KCND2: variants seen among roughly 807,000 people sequenced by gnomAD.
KCND2 encodes the protein potassium voltage-gated channel subfamily D member 2, also known as A-type voltage-gated potassium channel KCND2.
Under a neutral mutation model 54.4 loss-of-function variants are expected in KCND2, and 16 were observed. That is an observed-to-expected ratio of 0.29 (90% CI 0.20 to 0.45). The LOEUF is 0.45. Ranked by LOEUF, KCND2 falls within the 20% of genes least tolerant of loss-of-function variation. The pLI is 1.00. For missense variants in KCND2, 486 were observed against 824.2 expected (o/e 0.59, Z 5.02); for synonymous variants, 317 against 310.7 (o/e 1.02, Z -0.21).
At chr7:120,454,279 T>G (rs1394793797) in intron 1 of KCND2, among the ~76,000 whole-genome samples, 2 of 151,946 alleles carry the variant, frequency 1.3e-5, no homozygotes, top group African/African-American at 4.8e-5. Flanking sequence ...GTTTGTTATT[T>G]AAAATAATAA....
chr7:120,393,922 ACATAT>A (rs1402510148), intron 1 of KCND2, among the ~76,000 whole-genome samples: 1 of 152,040 alleles, frequency 6.6e-6, no homozygotes, highest in Non-Finnish European at 1.5e-5. Context: ...ATTTCACAAA[ACATAT>A]CATAAGAGAG....
At chr7:120,370,925 T>C (rs1348642229) in intron 1 of KCND2, among the ~76,000 whole-genome samples, 1 of 152,084 alleles carries the variant, frequency 6.6e-6, no homozygotes, top group Non-Finnish European at 1.5e-5. Context: ...GTGCTGAAGG[T>C]GAGTGATTTT....
At chr7:120,734,796 AAC>A (rs1312943905) in intron 2 of KCND2, among the ~76,000 whole-genome samples, 5 of 152,168 alleles carry the variant, frequency 3.3e-5, no homozygotes, top group Non-Finnish European at 7.4e-5. Flanking sequence ...GTAGATGCAC[AAC>A]CTAGGTGATG....
At position 120,290,844 on chromosome 7, in the gene KCND2, G is replaced by A. The variant is rs145776690; in HGVS notation, c.1115+15097G>A. ...GCATATACAGGGTCACCAGTAATGG[G>A]TGCCATGACCAATTAGTGCTGTTAT... On this transcript the variant is annotated intron_variant, in intron 1 of 5. Transcript: ENST00000331113. Among the ~76,000 whole-genome samples, 26 of 152,022 alleles carry A rather than the reference G, an allele frequency of 1.7e-4. No individual in the cohort carries two copies. In the East Asian group the frequency reaches 3.3e-3, roughly 19 times the overall value.
Position 120,741,569 on chromosome 7 carries a change from C to A in KCND2, c.1314C>A (p.Ser438Arg). 2 of 1,613,246 alleles carry A rather than the reference C, an allele frequency of 1.2e-6. No individual in the cohort carries two copies. Among genetic ancestry groups the A allele is most frequent in the Non-Finnish European group, 1.7e-6 (2 of 1,179,416 alleles). Reference protein sequence around the residue: ...ARLARIRAAKSGSANAYMQSK... With the variant: ...ARLARIRAAKRGSANAYMQSK... The stretch of plus-strand genomic sequence containing the variant: ...TGGCCAGGATCCGGGCAGCCAAAAG[C>A]GGAAGCGCAAATGCTTACATGCAGA... The change falls in exon 3 of 6, where the codon AGC becomes AGA. Residue 438 changes from serine to arginine, a missense_variant. This residue lies in a region of KCND2 where 202 missense variants were observed against 252.7 expected (regional missense o/e 0.80). Transcript: ENST00000331113.
intron 1 of KCND2, among the ~76,000 whole-genome samples, chr7:120,595,579 A>G (rs905330164): frequency 3.5e-4 from 28 of 78,956 alleles, no homozygotes; most frequent in South Asian, 3.1e-3. Context: ...GTGTATATAT[A>G]TGTGTGTGTG....
chr7:120,648,781 A>G (rs1236653715), intron 1 of KCND2, among the ~76,000 whole-genome samples: 7 of 152,240 alleles, frequency 4.6e-5, no homozygotes, highest in African/African-American at 1.4e-4. Context: ...ATCTAATAAC[A>G]TAACTCACCT....
intron 1 of KCND2, among the ~76,000 whole-genome samples, chr7:120,664,254 A>C (rs1791898847): frequency 6.6e-6 from 1 of 152,056 alleles, no homozygotes; most frequent in Non-Finnish European, 1.5e-5. Flanking sequence ...TATTTGGCAC[A>C]CTGCTTATGT....
In KCND2 at chr7:120,376,518, TTAAA is replaced by T. The variant is rs551768397; in HGVS notation, c.1115+100775_1115+100778del. Among the ~76,000 whole-genome samples the T allele has an allele frequency of 3.6e-3, 535 of 150,064 alleles. 2 individuals carry two copies. The highest frequency in any genetic ancestry group is 0.013 in the African/African-American group (511 of 40,706). ...AATACATAGGCACAAAATAGAAATA[TTAAA>T]TAATCTATAAAGTGAAAATAAATAT... On this transcript the variant is annotated intron_variant, in intron 1 of 5. Transcript: ENST00000331113.
chr7:120,639,523 C>A (rs763763167), intron 1 of KCND2, among the ~76,000 whole-genome samples: 5 of 152,094 alleles, frequency 3.3e-5, no homozygotes, highest in Non-Finnish European at 7.4e-5. Flanking sequence ...CTGCATGTTC[C>A]CTTTCTTCCC....
chr7:120,621,962 G>A (rs1158658324), intron 1 of KCND2, among the ~76,000 whole-genome samples: 4 of 151,576 alleles, frequency 2.6e-5, no homozygotes, highest in Admixed American at 6.6e-5. Context: ...TAAAAAAGAA[G>A]GTTTTTTTGT....
At position 120,721,033 on chromosome 7, in the gene KCND2, G is replaced by A. The variant is rs375950997; in HGVS notation, c.1116-11870G>A. Among the ~76,000 whole-genome samples the A allele has an allele frequency of 9.2e-5, 14 of 152,258 alleles. No homozygotes were observed. In the East Asian group the frequency reaches 2.3e-3, roughly 25 times the overall value. ...TGCATTTAAAAAAAATAGTTTTCTA[G>A]TATCAACATATTTTCACATGATTTG... On this transcript the variant is annotated intron_variant, in intron 1 of 5. Transcript: ENST00000331113.
intron 1 of KCND2, among the ~76,000 whole-genome samples, chr7:120,450,118 A>G (rs1221445129): frequency 6.6e-6 from 1 of 152,184 alleles, no homozygotes; most frequent in Non-Finnish European, 1.5e-5. Context: ...TTCAGTAAAA[A>G]TTTACTGGTT....
intron 1 of KCND2, among the ~76,000 whole-genome samples, chr7:120,281,061 C>T (rs529353652): frequency 1.3e-5 from 2 of 152,164 alleles, no homozygotes; most frequent in South Asian, 2.1e-4. Flanking sequence ...CGGCAAACTA[C>T]TCAATGGTGA....
At chr7:120,354,178 A>G (rs1800460545) in intron 1 of KCND2, among the ~76,000 whole-genome samples, 1 of 152,196 alleles carries the variant, frequency 6.6e-6, no homozygotes, top group African/African-American at 2.4e-5. Flanking sequence ...AACTATGGTT[A>G]TTCAGATGTG....
rs114607308 is a variant in KCND2 at position 120,441,116 on chromosome 7, G to C, written c.1115+165369G>C. Among the ~76,000 whole-genome samples the C allele has an allele frequency of 1.3e-3, 196 of 152,082 alleles. 1 individual carries two copies. The highest frequency in any genetic ancestry group is 4.6e-3 in the African/African-American group (193 of 41,534). On this transcript the variant is annotated intron_variant, in intron 1 of 5. Transcript: ENST00000331113. ...TCCTTAGCTTTGGAAAAGATGACTA[G>C]TTAATGAGGTACTGGATAATTTTAT...
At chr7:120,307,020 T>A (rs1037071602) in intron 1 of KCND2, among the ~76,000 whole-genome samples, 1 of 152,094 alleles carries the variant, frequency 6.6e-6, no homozygotes, top group African/African-American at 2.4e-5. Flanking sequence ...TAGCCTTAGG[T>A]CACTCTAAGG....
intron 1 of KCND2, among the ~76,000 whole-genome samples, chr7:120,655,594 G>A (rs564678953): frequency 6.6e-6 from 1 of 152,124 alleles, no homozygotes; most frequent in South Asian, 2.1e-4. Context: ...AGAGCATTGA[G>A]TTTTCCAGCA....
chr7:120,471,508 T>C (rs1424262192), intron 1 of KCND2, among the ~76,000 whole-genome samples: 2 of 152,114 alleles, frequency 1.3e-5, no homozygotes, highest in Admixed American at 6.5e-5. Flanking sequence ...ACATTTGATA[T>C]TGCAGGCAAG....
Sources: gnomAD v4.1 joint callset for allele counts (sites outside exome capture counted in the v4.1 genomes callset) on GRCh38, gnomAD v4.1.1 for gene constraint, gnomAD v4.1.1 regional missense constraint, MANE v1.5 for transcripts, NCBI Gene and HGNC (gene_info 2026-07-23, HGNC 2026-07-21) for gene names.